EPHB1: variants seen among roughly 807,000 people sequenced by gnomAD.
EPHB1 encodes ephrin type-B receptor 1.
EPHB1 carries 30 observed loss-of-function variants against 94.4 expected under a neutral mutation model. That is an observed-to-expected ratio of 0.32 (90% CI 0.24 to 0.43). EPHB1 has a LOEUF of 0.43. Among genes scored for constraint, EPHB1 ranks in the 20% least tolerant of loss-of-function variants. The probability of loss-of-function intolerance (pLI) is 1.00; values close to 1 mark genes in which losing one functional copy is unlikely to be tolerated. For missense variants in EPHB1, 1,055 were observed against 1,308.3 expected (o/e 0.81, Z 2.99); for synonymous variants, 522 against 489.1 (o/e 1.07, Z -0.89).
chr3:134,913,963 C>A (rs658459), intron 1 of EPHB1, among the ~76,000 whole-genome samples: 299 of 151,964 alleles, frequency 2.0e-3, no homozygotes, highest in Non-Finnish European at 3.5e-3. Flanking sequence ...AGAGAGAAGT[C>A]CATCCCAGAT....
At chr3:135,253,449 G>A (rs1487354827) in intron 15 of EPHB1, among the ~76,000 whole-genome samples, 1 of 150,198 alleles carries the variant, frequency 6.7e-6, no homozygotes, top group Non-Finnish European at 1.5e-5. Flanking sequence ...AGTTTTCCCA[G>A]CACCATTTAT....
chr3:134,844,158 A>C (rs1397425840), intron 1 of EPHB1, among the ~76,000 whole-genome samples: 1 of 151,992 alleles, frequency 6.6e-6, no homozygotes, highest in Non-Finnish European at 1.5e-5. Context: ...TTTAGCTTTA[A>C]TTTTTGTTTT....
intron 3 of EPHB1, among the ~76,000 whole-genome samples, chr3:135,030,327 G>A (rs1936387052): frequency 6.6e-6 from 1 of 152,160 alleles, no homozygotes; most frequent in African/African-American, 2.4e-5. Flanking sequence ...CATTTTTTCT[G>A]TTCTGTTTTT....
At position 134,795,470 on chromosome 3, in the gene EPHB1, CCTG is replaced by C. The variant is rs2035802236; in HGVS notation, c.-160_-158del. The C allele has an allele frequency of 1.5e-6, 1 of 653,880 alleles. No homozygotes were observed. The allele number at this position is 653,880 out of a possible 1,614,324, so 40.5% of individuals were successfully genotyped here. On this transcript the variant is annotated 5_prime_UTR_variant, in exon 1 of 16. Transcript: ENST00000398015. The stretch of plus-strand genomic sequence containing the variant: ...CCGCACCGCCCCACGCGCACACACT[CCTG>C]CCCACGCCCACGCAGCGCTCCGGGA...
chr3:134,997,687 T>G (rs1935040630), intron 3 of EPHB1, among the ~76,000 whole-genome samples: 1 of 152,200 alleles, frequency 6.6e-6, no homozygotes, highest in South Asian at 2.1e-4. Flanking sequence ...AAACCTTCCT[T>G]TTCATCTAAA....
chr3:134,845,392 G>T (rs889193640), intron 1 of EPHB1, among the ~76,000 whole-genome samples: 1 of 152,198 alleles, frequency 6.6e-6, no homozygotes, highest in Non-Finnish European at 1.5e-5. Flanking sequence ...TCTTGCTGCA[G>T]ATGCAGAGAT....
At chr3:135,229,483 C>T (rs944832157) in intron 12 of EPHB1, among the ~76,000 whole-genome samples, 20 of 152,090 alleles carry the variant, frequency 1.3e-4, no homozygotes, top group African/African-American at 4.8e-4. Context: ...GGCCAGTGGA[C>T]ACTGGTAAGG....
chr3:135,232,624 CCTTTTT>C (rs1943561287), intron 12 of EPHB1, among the ~76,000 whole-genome samples: 1 of 152,064 alleles, frequency 6.6e-6, no homozygotes, highest in African/African-American at 2.4e-5. Flanking sequence ...TGCTTTTTTT[CCTTTTT>C]CATCATTTTA....
intron 5 of EPHB1, among the ~76,000 whole-genome samples, chr3:135,145,878 T>C (rs1351999886): frequency 5.3e-5 from 8 of 152,218 alleles, no homozygotes; most frequent in Non-Finnish European, 1.2e-4. Context: ...TTCATGTTTG[T>C]TAGAACTAAG....
intron 2 of EPHB1, among the ~76,000 whole-genome samples, chr3:134,930,127 T>C (rs1434204953): frequency 6.6e-6 from 1 of 152,204 alleles, no homozygotes; most frequent in Non-Finnish European, 1.5e-5. Flanking sequence ...TGTGGCAGGC[T>C]TTCAGACCCA....
chr3:135,012,333 A>G (rs377164087), intron 3 of EPHB1, among the ~76,000 whole-genome samples: 8 of 152,282 alleles, frequency 5.3e-5, no homozygotes, highest in African/African-American at 1.9e-4. Context: ...TGTGCTCAGT[A>G]AGCACAGCCA....
intron 1 of EPHB1, among the ~76,000 whole-genome samples, chr3:134,863,850 ACTG>A (rs1238206082): frequency 1.3e-5 from 2 of 152,336 alleles, no homozygotes. Flanking sequence ...TATGCCGTAG[ACTG>A]CTTTCTAGCC....
chr3:135,223,640 C>G (rs929302877), intron 12 of EPHB1, among the ~76,000 whole-genome samples: 3 of 152,154 alleles, frequency 2.0e-5, no homozygotes, highest in Non-Finnish European at 4.4e-5. Context: ...GTATTTGAAG[C>G]CATGATAGAG....
intron 1 of EPHB1, among the ~76,000 whole-genome samples, chr3:134,880,222 G>A (rs527412467): frequency 2.0e-4 from 31 of 152,352 alleles, no homozygotes; most frequent in African/African-American, 5.8e-4. Context: ...TTGAACAGCT[G>A]ACTGGAAAGT....
At chr3:135,219,273 T>G (rs533488217) in intron 12 of EPHB1, among the ~76,000 whole-genome samples, 1 of 152,204 alleles carries the variant, frequency 6.6e-6, no homozygotes, top group African/African-American at 2.4e-5. Context: ...AAAGATACAT[T>G]GGAGTCCTTA....
At chr3:135,227,672 C>T (rs1233605953) in intron 12 of EPHB1, among the ~76,000 whole-genome samples, 3 of 151,866 alleles carry the variant, frequency 2.0e-5, no homozygotes, top group East Asian at 1.9e-4. Flanking sequence ...TCTGTGCACT[C>T]GTATGTATAT....
At chr3:135,204,663 G>C (rs1411863534) in intron 12 of EPHB1, among the ~76,000 whole-genome samples, 1 of 150,824 alleles carries the variant, frequency 6.6e-6, no homozygotes, top group Non-Finnish European at 1.5e-5. Context: ...ACTATGCCCT[G>C]CTAATTTTTT....
At chr3:135,007,215 C>T (rs369361188) in intron 3 of EPHB1, among the ~76,000 whole-genome samples, 6 of 152,276 alleles carry the variant, frequency 3.9e-5, no homozygotes, top group African/African-American at 9.6e-5. Context: ...AGCTGCCTAA[C>T]GCAGTAGCAA....
chr3:135,246,578 C>CCTAT (rs752632337), intron 13 of EPHB1, among the ~76,000 whole-genome samples: 6 of 152,088 alleles, frequency 3.9e-5, no homozygotes, highest in African/African-American at 1.4e-4. Context: ...TATTCCCAGC[C>CCTAT]CTATCTTTTG....
Sources: gnomAD v4.1 joint callset for allele counts (sites outside exome capture counted in the v4.1 genomes callset) on GRCh38, gnomAD v4.1.1 for gene constraint, MANE v1.5 for transcripts, NCBI Gene and HGNC (gene_info 2026-07-23, HGNC 2026-07-21) for gene names.